BZW2: variants seen among roughly 807,000 people sequenced by gnomAD.
The protein encoded by BZW2 is basic leucine zipper and W2 domains 2, also known as eIF5-mimic protein 1.
A neutral mutation model predicts 53.2 loss-of-function variants in BZW2; 23 were observed. The observed-to-expected ratio is 0.43, with a 90% confidence interval of 0.31 to 0.61. The LOEUF is 0.61. Ranked by LOEUF, BZW2 falls within the 20% of genes least tolerant of loss-of-function variation. BZW2 has a pLI of 0.09. For missense variants in BZW2, 409 were observed against 503.1 expected (o/e 0.81, Z 1.79); for synonymous variants, 227 against 186.4 (o/e 1.22, Z -1.77).
At chr7:16,673,103 C>T (rs1030423952) in intron 2 of BZW2, among the ~76,000 whole-genome samples, 5 of 152,054 alleles carry the variant, frequency 3.3e-5, no homozygotes, top group African/African-American at 1.2e-4. Flanking sequence ...CCCGCCACCA[C>T]CCCTGGCTAA....
At chr7:16,658,080 T>C (rs1217644466) in intron 1 of BZW2, among the ~76,000 whole-genome samples, 1 of 152,216 alleles carries the variant, frequency 6.6e-6, no homozygotes, top group African/African-American at 2.4e-5. Context: ...ATCTGGAAGA[T>C]TGAATGAGCT....
intron 1 of BZW2, among the ~76,000 whole-genome samples, chr7:16,647,310 T>C (rs1187747499): frequency 1.3e-5 from 2 of 152,202 alleles, no homozygotes; most frequent in African/African-American, 4.8e-5. Flanking sequence ...AAGAGAAATA[T>C]TTGAGTAATT....
chr7:16,696,785 A>T (rs1447304554), intron 8 of BZW2, 130 bp from the exon 9 acceptor site: 2 of 898,732 alleles, frequency 2.2e-6, no homozygotes, highest in East Asian at 4.9e-5. Flanking sequence ...GAGAATGCAG[A>T]CAAGGAAAGG....
At chr7:16,681,184 T>C in intron 3 of BZW2, 117 bp from the exon 4 acceptor site, 2 of 799,604 alleles carry the variant, frequency 2.5e-6, no homozygotes, top group Non-Finnish European at 4.0e-6. Flanking sequence ...TTTATGTGAC[T>C]CTTAGATTTT....
At chr7:16,691,275 G>C (rs1024355302) in intron 7 of BZW2, among the ~76,000 whole-genome samples, 4 of 152,188 alleles carry the variant, frequency 2.6e-5, no homozygotes, top group Non-Finnish European at 5.9e-5. Context: ...AAAGTTGCCT[G>C]CCCTCGTGAA....
intron 7 of BZW2, among the ~76,000 whole-genome samples, chr7:16,692,400 C>T (rs951795226): frequency 6.6e-6 from 1 of 151,988 alleles, no homozygotes; most frequent in Non-Finnish European, 1.5e-5. Context: ...CTTCATGAAG[C>T]TTATATTCTA....
intron 6 of BZW2, 78 bp from the exon 7 acceptor site, chr7:16,689,719 G>T: frequency 8.2e-7 from 1 of 1,217,606 alleles, no homozygotes. Flanking sequence ...CACATTTCAG[G>T]AAACCTGGTT....
chr7:16,689,627 G>T (rs6950993), intron 6 of BZW2, among the ~76,000 whole-genome samples, 170 bp from the exon 7 acceptor site: 8,488 of 152,260 alleles, frequency 0.056, 788 homozygotes, highest in African/African-American at 0.19. Flanking sequence ...AAATGTTCTA[G>T]TTTGAGTAAT....
intron 3 of BZW2, among the ~76,000 whole-genome samples, chr7:16,680,901 C>G (rs982070382): frequency 5.3e-5 from 8 of 151,770 alleles, no homozygotes; most frequent in African/African-American, 1.9e-4. Flanking sequence ...GTCAGGAGTT[C>G]GAGACCAGCC....
chr7:16,677,400 C>T (rs541979839), intron 3 of BZW2, among the ~76,000 whole-genome samples: 2 of 152,234 alleles, frequency 1.3e-5, no homozygotes, highest in East Asian at 3.9e-4. Context: ...TCTTAGTACC[C>T]CCTCTCAACA....
chr7:16,666,583 A>G (rs1782434648), intron 2 of BZW2, among the ~76,000 whole-genome samples: 1 of 152,086 alleles, frequency 6.6e-6, no homozygotes, highest in African/African-American at 2.4e-5. Flanking sequence ...TTGTATTTTA[A>G]GTACAGACGG....
intron 10 of BZW2, among the ~76,000 whole-genome samples, chr7:16,702,630 C>G (rs1232478369): frequency 6.6e-6 from 1 of 152,070 alleles, no homozygotes; most frequent in African/African-American, 2.4e-5. Context: ...CTCTGTGAGG[C>G]AATAAAACAC....
rs1394489792 is a variant in BZW2, at chr7:16,693,018, C to T, written c.652-1816C>T. On this transcript the variant is annotated intron_variant, in intron 7 of 11. Coordinates refer to ENST00000258761, the MANE Select transcript of BZW2 (RefSeq NM_014038.3). The stretch of plus-strand genomic sequence containing the variant: ...AGGTGAGAGCAAAAGTGTAGATAAG[C>T]TCAGAGAAGTAGCAAGGCCCATATC... Among the ~76,000 whole-genome samples, 3 of 152,086 alleles carry T rather than the reference C, an allele frequency of 2.0e-5. No homozygotes were observed. In the East Asian group the frequency reaches 5.8e-4, roughly 29 times the overall value.
intron 3 of BZW2, among the ~76,000 whole-genome samples, chr7:16,675,779 T>C (rs1782744912): frequency 1.3e-5 from 2 of 152,234 alleles, no homozygotes; most frequent in Admixed American, 1.3e-4. Flanking sequence ...GTTACTTCCC[T>C]TCTGGAAATC....
intron 1 of BZW2, among the ~76,000 whole-genome samples, chr7:16,659,852 A>T (rs1417728433): frequency 1.8e-4 from 26 of 147,022 alleles, no homozygotes; most frequent in Admixed American, 1.6e-3. Flanking sequence ...TTATTTTTTT[A>T]TTTTTTTTTT....
chr7:16,687,501 G>C (rs1783162491), intron 6 of BZW2: 1 of 152,086 alleles, frequency 6.6e-6, no homozygotes, highest in Admixed American at 6.6e-5. Flanking sequence ...AAAATTGCTT[G>C]AGGCCAGGAG....
At chr7:16,685,879 T>TTTTTTTTTTTTTTTTTTTTTTTTC in intron 5 of BZW2, 26 bp from the exon 6 acceptor site, 2 of 585,762 alleles carry the variant, frequency 3.4e-6, no homozygotes, top group East Asian at 5.5e-5. Context: ...TCTTTTTCTT[T>TTTTTTTTTTTTTTTTTTTTTTTTC]TTTTTTTTTT....
chr7:16,671,923 C>G (rs1307113393), intron 2 of BZW2, among the ~76,000 whole-genome samples: 1 of 53,606 alleles, frequency 1.9e-5, no homozygotes, highest in Non-Finnish European at 3.4e-5. Context: ...AGAGTGAGAC[C>G]CTGTTTCAAA....
chr7:16,689,816 T>C lies in BZW2; in HGVS notation c.561T>C (p.Ala187=). 1.2e-6 allele frequency: 2 copies of C among 1,608,630 alleles called. No homozygotes were observed. The highest frequency in any genetic ancestry group is 4.5e-5 in the East Asian group (2 of 44,698). ...CAACAGGCATTGCGGCCTCATTTGC[T>C]GTCAAGCTTTTCAAAGCATGGATGG... The part of the protein sequence containing the change: ...LVKEGIAASF[A]VKLFKAWMAE... Residue 187 remains alanine, a synonymous_variant, in exon 7 of 12, where the codon GCT becomes GCC. Coordinates refer to ENST00000258761, the MANE Select transcript of BZW2 (RefSeq NM_014038.3).
Sources: gnomAD v4.1 joint callset for allele counts (sites outside exome capture counted in the v4.1 genomes callset) on GRCh38, gnomAD v4.1.1 for gene constraint, MANE v1.5 for transcripts, NCBI Gene and HGNC (gene_info 2026-07-23, HGNC 2026-07-21) for gene names.